Variants in LPAR6 observed in about 807,000 individuals in gnomAD.
LPAR6 encodes the protein G-protein coupled purinergic receptor P2Y5.
Under a neutral mutation model 22.0 loss-of-function variants are expected in LPAR6, and 17 were observed. The ratio of observed to expected loss-of-function variants is 0.77; its 90% CI spans 0.53 to 1.16. The LOEUF (loss-of-function observed/expected upper bound fraction) is 1.16, where lower values mean the gene tolerates loss of function less well. Among genes scored for constraint, LPAR6 ranks in the 50% most tolerant of loss-of-function variants. The probability of loss-of-function intolerance (pLI) is 0.00; values close to 1 mark genes in which losing one functional copy is unlikely to be tolerated. For missense variants in LPAR6, 384 were observed against 406.9 expected, an observed-to-expected ratio of 0.94 and a Z score of 0.48; for synonymous variants, 136 against 139.8, an observed-to-expected ratio of 0.97 and a Z score of 0.19.
chr13:48,418,283 G>A (rs1948948036), intron 2 of LPAR6, among the ~76,000 whole-genome samples: 1 of 152,082 alleles, frequency 6.6e-6, no homozygotes, highest in African/African-American at 2.4e-5. Flanking sequence ...GCCAAACTAA[G>A]CTTCATAAGT....
rs142504579 is a variant in LPAR6, at chr13:48,412,141, G to T, written c.283C>A (p.Leu95Met). 9 of 1,613,744 alleles carry T rather than the reference G, an allele frequency of 5.6e-6. No individual in the cohort carries two copies. Among genetic ancestry groups the T allele is most frequent in the Non-Finnish European group, 7.6e-6 (9 of 1,179,936 alleles). Residue 95 changes from leucine (L) to methionine (M), a missense_variant, in exon 1 of 1, where the codon CTG becomes ATG. By Grantham distance (15) the Leu-to-Met change is conservative. Transcript: ENST00000620633. ...GDLLCKISVM[L>M]FYTNMYGSIL... ...CTTCCGTACATGTTGGTATAAAACA[G>T]CATCACAGAAATCTTACAAAGTAAA... is the stretch of plus-strand genomic sequence containing the variant.
At chr13:48,434,091 C>A (rs1358211733) in intron 1 of LPAR6, among the ~76,000 whole-genome samples, 1 of 152,082 alleles carries the variant, frequency 6.6e-6, no homozygotes, top group South Asian at 2.1e-4. Context: ...TAAATAATTT[C>A]TCCAATCATA....
At chr13:48,399,357 A>G (rs1948673245) in intron 1 of LPAR6, among the ~76,000 whole-genome samples, 1 of 152,066 alleles carries the variant, frequency 6.6e-6, no homozygotes, top group Admixed American at 6.6e-5. Context: ...TAAATATTTT[A>G]TAGTGACATT....
intron 1 of LPAR6, among the ~76,000 whole-genome samples, chr13:48,437,090 AC>A (rs1949191888): frequency 6.6e-6 from 1 of 152,176 alleles, no homozygotes; most frequent in African/African-American, 2.4e-5. Flanking sequence ...TGTAGAACAG[AC>A]TTATAGCTTC....
upstream of LPAR6, chr13:48,417,407 G>C (rs1948930507): frequency 6.6e-6 from 1 of 152,158 alleles, no homozygotes; most frequent in South Asian, 2.1e-4. Context: ...CTTCCACACA[G>C]AAACCCCATT....
rs140908224 is a variant in LPAR6, at chr13:48,396,642, C to T, written n.115-6830G>A. ...CAATGGCAACAAAAGCCAAAATTGACGAATGGGATCTAATTAAACTAAAGA... is the reference window on the plus strand; with the variant it reads ...CAATGGCAACAAAAGCCAAAATTGATGAATGGGATCTAATTAAACTAAAGA... On this transcript the variant is annotated intron_variant and non_coding_transcript_variant, in intron 1 of 1. Coordinates refer to the LPAR6 transcript ENST00000462781. Among the ~76,000 whole-genome samples the T allele has an allele frequency of 0.012, 1,766 of 152,216 alleles. 66 individuals carry two copies. In the East Asian group the frequency reaches 0.12, roughly 10 times the overall value.
At chr13:48,438,390 A>G (rs1949204706) in intron 1 of LPAR6, among the ~76,000 whole-genome samples, 1 of 152,072 alleles carries the variant, frequency 6.6e-6, no homozygotes, top group South Asian at 2.1e-4. Flanking sequence ...TACTTAAAAT[A>G]ATTTGTTCTT....
chr13:48,440,298 G>C (rs1484383649), intron 1 of LPAR6, among the ~76,000 whole-genome samples: 1 of 152,124 alleles, frequency 6.6e-6, no homozygotes, highest in Non-Finnish European at 1.5e-5. Context: ...TTTTTCCTGA[G>C]ATAGAAGTGG....
At chr13:48,393,609 G>T (rs1948626833) in intron 1 of LPAR6, among the ~76,000 whole-genome samples, 1 of 152,192 alleles carries the variant, frequency 6.6e-6, no homozygotes, top group African/African-American at 2.4e-5. Flanking sequence ...GATTGATGAA[G>T]TATTTACAAA....
intron 1 of LPAR6, among the ~76,000 whole-genome samples, chr13:48,395,384 G>C (rs1355262074): frequency 6.6e-6 from 1 of 151,992 alleles, no homozygotes; most frequent in Non-Finnish European, 1.5e-5. Context: ...GGAGTTTGAC[G>C]AATTGACAGA....
At chr13:48,427,181 C>T (rs1451104578), upstream of LPAR6, among the ~76,000 whole-genome samples, 2 of 133,544 alleles carry the variant, frequency 1.5e-5, no homozygotes, top group Non-Finnish European at 3.2e-5. Flanking sequence ...ATCTACCAAA[C>T]CTCACCTCCA....
intron 2 of LPAR6, among the ~76,000 whole-genome samples, chr13:48,418,139 G>C (rs993350465): frequency 3.9e-5 from 6 of 152,094 alleles, no homozygotes; most frequent in Non-Finnish European, 8.8e-5. Flanking sequence ...GAGAAAGGTC[G>C]GGTTACCTAC....
Position 48,411,897 on chromosome 13 carries a change from G to A in LPAR6, c.527C>T (p.Thr176Ile). 1 of 1,613,554 alleles carries A rather than the reference G, an allele frequency of 6.2e-7. No individual in the cohort carries two copies. The highest frequency in any genetic ancestry group is 1.1e-5 in the South Asian group (1 of 91,050). ...AATCCTTGAGAGATATGTTTTCCATGTGGCTTCTGGAAAATTTTCAAAGCA... is the reference window on the plus strand; with the variant it reads ...AATCCTTGAGAGATATGTTTTCCATATGGCTTCTGGAAAATTTTCAAAGCA... ...EACFENFPEA[T>I]WKTYLSRIVI... The change falls in exon 1 of 1, where the codon ACA becomes ATA. Residue 176 changes from threonine to isoleucine, a missense_variant. By Grantham distance (89) the Thr-to-Ile change is moderately conservative (BLOSUM62 -1). Transcript: ENST00000620633.
chr13:48,424,717 C>T (rs1949054921), intron 1 of LPAR6, among the ~76,000 whole-genome samples: 1 of 152,072 alleles, frequency 6.6e-6, no homozygotes, highest in Non-Finnish European at 1.5e-5. Flanking sequence ...TTCCACAGTA[C>T]TTAGTTTGCC....
At position 48,411,159 on chromosome 13, in the gene LPAR6, A is replaced by T; in HGVS notation, c.*230T>A. ...TAAATAACTTTAAGAGATTTTTTTT[A>T]ATGAAGGAACAAATCAAAATGGCTC... is the stretch of plus-strand genomic sequence containing the variant. On this transcript the variant is annotated 3_prime_UTR_variant, in exon 1 of 1. Coordinates refer to ENST00000620633, the MANE Select transcript of LPAR6 (RefSeq NM_001162498.3). 2.5e-6 allele frequency: 1 copy of T among 407,910 alleles called. No individual in the cohort carries two copies. Among genetic ancestry groups the T allele is most frequent in the Non-Finnish European group, 4.4e-6 (1 of 224,852 alleles). The allele number at this position is 407,910 out of a possible 1,614,324, so 25.3% of individuals were successfully genotyped here. A position where few individuals can be genotyped will look rare whatever the true frequency, so the allele number is the denominator to read the frequency against.
upstream of LPAR6, among the ~76,000 whole-genome samples, chr13:48,414,432 G>GT (rs1387479878): frequency 2.6e-5 from 4 of 151,788 alleles, no homozygotes. Flanking sequence ...TTAAATGTAG[G>GT]TGTTATTTCC....
At chr13:48,395,625 G>A (rs1948641893) in intron 1 of LPAR6, among the ~76,000 whole-genome samples, 1 of 152,004 alleles carries the variant, frequency 6.6e-6, no homozygotes, top group Admixed American at 6.5e-5. Context: ...AGAAAAAAAG[G>A]ATATCAGAGA....
At chr13:48,439,294 A>T (rs1949214154) in intron 1 of LPAR6, among the ~76,000 whole-genome samples, 1 of 152,222 alleles carries the variant, frequency 6.6e-6, no homozygotes, top group African/African-American at 2.4e-5. Flanking sequence ...CATAGAACCT[A>T]GCATATAGTA....
chr13:48,440,048 G>A (rs186658960), intron 1 of LPAR6, among the ~76,000 whole-genome samples: 1 of 152,224 alleles, frequency 6.6e-6, no homozygotes, highest in East Asian at 1.9e-4. Context: ...AGATAGAATA[G>A]TAGGATTACA....
Sources: allele counts gnomAD v4.1 joint callset (sites outside exome capture counted in the v4.1 genomes callset), GRCh38; gene constraint gnomAD v4.1.1; transcripts MANE v1.5; gene names NCBI Gene and HGNC (gene_info 2026-07-23, HGNC 2026-07-21).